Variants in CARMIL1 observed in about 807,000 individuals in gnomAD.
The protein encoded by CARMIL1 is capping protein regulator and myosin 1 linker 1.
Under a neutral mutation model 177.1 loss-of-function variants are expected in CARMIL1, and 90 were observed. The ratio of observed to expected loss-of-function variants is 0.51; its 90% CI spans 0.43 to 0.61. The LOEUF (loss-of-function observed/expected upper bound fraction) is 0.61, where lower values mean the gene tolerates loss of function less well. CARMIL1 is among the 20% of genes least tolerant of loss of function. CARMIL1 has a pLI of 0.00. For missense variants in CARMIL1, 1,380 were observed against 1,667.0 expected (o/e 0.83, Z 3.00); for synonymous variants, 577 against 606.2 (o/e 0.95, Z 0.71).
chr6:25,559,032 G>T (rs770458983), intron 29 of CARMIL1, among the ~76,000 whole-genome samples: 1 of 152,070 alleles, frequency 6.6e-6, no homozygotes, highest in African/African-American at 2.4e-5. Flanking sequence ...AGTGCAAGTC[G>T]GGATTTTATA....
At chr6:25,280,526 C>T (rs1373361010) in intron 1 of CARMIL1, among the ~76,000 whole-genome samples, 1 of 150,274 alleles carries the variant, frequency 6.7e-6, no homozygotes, top group African/African-American at 2.5e-5. Context: ...TATAGGGGAT[C>T]TCTTAGGGAA....
chr6:25,396,655 C>G (rs368967633), intron 2 of CARMIL1, among the ~76,000 whole-genome samples: 2 of 152,156 alleles, frequency 1.3e-5, no homozygotes, highest in African/African-American at 4.8e-5. Context: ...GGCCACCATG[C>G]CTGGCCGTTT....
chr6:25,605,992 C>T (rs1815927016), intron 34 of CARMIL1, 69 bp from the exon 35 acceptor site: 4 of 1,087,256 alleles, frequency 3.7e-6, no homozygotes, highest in Non-Finnish European at 5.4e-6. Context: ...GCAGTTTGTA[C>T]CAGACTTCTA....
intron 36 of CARMIL1, among the ~76,000 whole-genome samples, chr6:25,610,685 T>C (rs1198216195): frequency 6.6e-6 from 1 of 152,160 alleles, no homozygotes; most frequent in Admixed American, 6.5e-5. Context: ...GGTGCAGACA[T>C]GGACATTCTC....
At chr6:25,449,567 T>A (rs1707565614) in intron 5 of CARMIL1, among the ~76,000 whole-genome samples, 1 of 152,224 alleles carries the variant, frequency 6.6e-6, no homozygotes, top group African/African-American at 2.4e-5. Context: ...AAATTAGTAA[T>A]TTATATTTGG....
chr6:25,368,963 G>A (rs372368685), intron 2 of CARMIL1, among the ~76,000 whole-genome samples: 3 of 152,148 alleles, frequency 2.0e-5, no homozygotes, highest in East Asian at 1.9e-4. Context: ...AGGAGGGTTC[G>A]TTTTTGCCAT....
chr6:25,567,548 C>T (rs1303121246), intron 29 of CARMIL1, among the ~76,000 whole-genome samples: 1 of 152,110 alleles, frequency 6.6e-6, no homozygotes, highest in African/African-American at 2.4e-5. Flanking sequence ...TACTTCTTGC[C>T]CTAACTTTGA....
At chr6:25,459,269 T>TCTTTCTTTCTC (rs56094712) in intron 8 of CARMIL1, among the ~76,000 whole-genome samples, 5 of 118,208 alleles carry the variant, frequency 4.2e-5, no homozygotes, top group African/African-American at 1.6e-4. Flanking sequence ...TTTCTTTCTT[T>TCTTTCTTTCTC]TTTTTTTTTT....
chr6:25,364,993 G>C (rs1482352348), intron 2 of CARMIL1, among the ~76,000 whole-genome samples: 1 of 152,106 alleles, frequency 6.6e-6, no homozygotes, highest in Non-Finnish European at 1.5e-5. Flanking sequence ...TTCTCTATCT[G>C]GATTCCCAGT....
At position 25,292,314 on chromosome 6, in the gene CARMIL1, T is replaced by C. The variant is rs138901258; in HGVS notation, c.138+7405T>C. ...GTGAAGTTACATGGCTCTAGAAAAT[T>C]GAGCTTTAGAAAACAGCAATAACAC... On this transcript the variant is annotated intron_variant, in intron 2 of 36. Transcript: ENST00000329474. 5.8e-3 allele frequency among the ~76,000 whole-genome samples: 876 copies of C among 152,328 alleles called. 7 individuals are homozygous for C. The highest frequency in any genetic ancestry group is 8.9e-3 in the Non-Finnish European group (608 of 68,028).
intron 2 of CARMIL1, among the ~76,000 whole-genome samples, chr6:25,345,164 C>G (rs1426373292): frequency 6.6e-6 from 1 of 152,110 alleles, no homozygotes; most frequent in Non-Finnish European, 1.5e-5. Flanking sequence ...TGGTCAGGAC[C>G]CACTCCCTTC....
At chr6:25,371,088 A>G (rs558243038) in intron 2 of CARMIL1, among the ~76,000 whole-genome samples, 35 of 152,258 alleles carry the variant, frequency 2.3e-4, no homozygotes, top group African/African-American at 6.5e-4. Flanking sequence ...GCTGTGAAAG[A>G]TATTTCATTC....
intron 8 of CARMIL1, chr6:25,451,986 G>GGGGGGGCCC: frequency 8.9e-6 from 1 of 112,670 alleles, no homozygotes. Flanking sequence ...CTAGCATCTT[G>GGGGGGGCCC]CCCCCCCCTC....
At chr6:25,512,351 T>C (rs6914399) in intron 20 of CARMIL1, among the ~76,000 whole-genome samples, 145 of 152,354 alleles carry the variant, frequency 9.5e-4, no homozygotes, top group African/African-American at 3.3e-3. Context: ...GTCACAAGTT[T>C]GAATAGAGTG....
Position 25,459,266 on chromosome 6 carries a change from C to CTTTCTTTCTTTCTT in CARMIL1, c.615-6604_615-6603insCTTTCTTTCTTTTT. The stretch of plus-strand genomic sequence containing the variant: ...TCTTTCTTTCTTTCTTTCTTTCTTT[C>CTTTCTTTCTTTCTT]TTTTTTTTTTTTTTAAGACAGGGTC... On this transcript the variant is annotated intron_variant, in intron 8 of 36. Transcript: ENST00000329474. Among the ~76,000 whole-genome samples, 137 of 73,726 alleles carry CTTTCTTTCTTTCTT rather than the reference C, an allele frequency of 1.9e-3. 4 individuals carry two copies. The highest frequency in any genetic ancestry group is 4.4e-3 in the African/African-American group (89 of 20,318). 48.4% of individuals were successfully genotyped at this position (73,726 alleles called of 152,430 possible). A position where few individuals can be genotyped will look rare whatever the true frequency, so the allele number is the denominator to read the frequency against.
chr6:25,485,392 T>A (rs1802535224), intron 12 of CARMIL1, among the ~76,000 whole-genome samples: 1 of 152,238 alleles, frequency 6.6e-6, no homozygotes, highest in Admixed American at 6.5e-5. Context: ...AACATTGTTT[T>A]ATAACATGAC....
intron 2 of CARMIL1, among the ~76,000 whole-genome samples, chr6:25,367,008 C>T (rs190664118): frequency 6.6e-6 from 1 of 152,132 alleles, no homozygotes; most frequent in African/African-American, 2.4e-5. Context: ...TGCATAACCA[C>T]CTGTGCAGTT....
intron 2 of CARMIL1, among the ~76,000 whole-genome samples, chr6:25,354,952 T>C (rs1581665113): frequency 6.6e-6 from 1 of 152,186 alleles, no homozygotes; most frequent in Non-Finnish European, 1.5e-5. Flanking sequence ...TCCCACACTT[T>C]CATAGATGTC....
At chr6:25,472,180 G>A (rs565923003) in intron 10 of CARMIL1, among the ~76,000 whole-genome samples, 4 of 152,022 alleles carry the variant, frequency 2.6e-5, no homozygotes, top group East Asian at 3.9e-4. Flanking sequence ...ACACAACAGA[G>A]TGCCTTTAAA....
Sources: allele counts gnomAD v4.1 joint callset (sites outside exome capture counted in the v4.1 genomes callset), GRCh38; gene constraint gnomAD v4.1.1; transcripts MANE v1.5; gene names NCBI Gene and HGNC (gene_info 2026-07-23, HGNC 2026-07-21).